Variants in TIMP2 observed in about 807,000 individuals in gnomAD.
TIMP2 encodes the protein metalloproteinase inhibitor 2.
In TIMP2, 5 loss-of-function variants were observed where a neutral mutation model predicts 24.3. The ratio of observed to expected loss-of-function variants is 0.21; its 90% CI spans 0.11 to 0.43. The LOEUF (loss-of-function observed/expected upper bound fraction) is 0.43. Ranked by LOEUF, TIMP2 falls within the 20% of genes least tolerant of loss-of-function variation. The pLI is 1.00. For missense variants in TIMP2, 221 were observed against 297.5 expected, an observed-to-expected ratio of 0.74 and a Z score of 1.89; for synonymous variants, 130 against 123.2, an observed-to-expected ratio of 1.06 and a Z score of -0.37.
intron 1 of TIMP2, among the ~76,000 whole-genome samples, chr17:78,883,235 A>G (rs2069794520): frequency 6.6e-6 from 1 of 152,196 alleles, no homozygotes; most frequent in South Asian, 2.1e-4. Flanking sequence ...ATCCGTCCCC[A>G]GTTGAGGGTG....
At chr17:78,883,489 C>T (rs1024934136) in intron 1 of TIMP2, among the ~76,000 whole-genome samples, 42 of 152,056 alleles carry the variant, frequency 2.8e-4, no homozygotes, top group African/African-American at 9.4e-4. Context: ...GGGGAGGGTG[C>T]GGAGGAGGGT....
intron 1 of TIMP2, among the ~76,000 whole-genome samples, chr17:78,906,758 T>G (rs1034418033): frequency 2.0e-5 from 3 of 151,524 alleles, no homozygotes; most frequent in Non-Finnish European, 4.4e-5. Flanking sequence ...AATTTTTGTA[T>G]TTTTGGTAGA....
rs148815451 is a variant in TIMP2, at chr17:78,920,813, G to A, written c.130+4146C>T. ...TGAGGAGGGGAGGCCTGCTCACCAC[G>A]CCGGGCAGCAGGAACCCCCTTCCAC... On this transcript the variant is annotated intron_variant, in intron 1 of 4. Coordinates refer to ENST00000262768, the MANE Select transcript of TIMP2 (RefSeq NM_003255.5). This position sits in a 1 kb window ranked among gnomAD's most constrained non-coding sequence, Gnocchi z 4.5. 1.1e-4 allele frequency among the ~76,000 whole-genome samples: 17 copies of A among 152,190 alleles called. No individual in the cohort carries two copies. The highest frequency in any genetic ancestry group is 6.8e-3 in the Middle Eastern group (2 of 294).
intron 3 of TIMP2, among the ~76,000 whole-genome samples, chr17:78,863,963 G>A (rs768079961): frequency 2.6e-5 from 4 of 152,152 alleles, no homozygotes; most frequent in Non-Finnish European, 5.9e-5. Flanking sequence ...CTTGGCCAAG[G>A]ACATTAACGA....
At chr17:78,916,984 T>C (rs574826406) in intron 1 of TIMP2, among the ~76,000 whole-genome samples, 35 of 152,342 alleles carry the variant, frequency 2.3e-4, no homozygotes, top group South Asian at 2.3e-3. Flanking sequence ...AGGTGCAGCC[T>C]GCAAGATGAT....
chr17:78,875,129 C>T (rs1339312266), intron 1 of TIMP2, among the ~76,000 whole-genome samples: 3 of 152,144 alleles, frequency 2.0e-5, no homozygotes, highest in African/African-American at 4.8e-5. Context: ...CCACCTGCTT[C>T]GGCCTCCCAA....
intron 3 of TIMP2, among the ~76,000 whole-genome samples, chr17:78,865,669 G>A (rs2069606291): frequency 6.7e-6 from 1 of 149,748 alleles, no homozygotes; most frequent in Admixed American, 6.7e-5. Context: ...TTGGGCACCT[G>A]TAATCCCAGC....
Position 78,922,864 on chromosome 17 carries a change from C to T in TIMP2, c.130+2095G>A, listed in dbSNP as rs536953299. Among the ~76,000 whole-genome samples, 8 of 152,126 alleles carry T rather than the reference C, an allele frequency of 5.3e-5. No individual in the cohort carries two copies. The South Asian group carries it at 8.3e-4, about 16-fold the overall frequency. On this transcript the variant is annotated intron_variant, in intron 1 of 4. Transcript: ENST00000262768. ...CGAGAGAAGGCCATGTGAAGACAGG[C>T]GGAAATGGAAGTGATGTGTTCCTTG...
chr17:78,923,996 G>A (rs2070329596), intron 1 of TIMP2, among the ~76,000 whole-genome samples: 1 of 152,190 alleles, frequency 6.6e-6, no homozygotes, highest in African/African-American at 2.4e-5. Flanking sequence ...ACCACCTGCC[G>A]TGTAGCCAGA....
At chr17:78,858,983 ATTCTC>A (rs2069547216) in intron 3 of TIMP2, among the ~76,000 whole-genome samples, 1 of 152,062 alleles carries the variant, frequency 6.6e-6, no homozygotes, top group Non-Finnish European at 1.5e-5. Flanking sequence ...CCCGGCCAAT[ATTCTC>A]TTCTATGTGC....
chr17:78,918,001 G>A (rs1263332203), intron 1 of TIMP2, among the ~76,000 whole-genome samples: 2 of 151,918 alleles, frequency 1.3e-5, no homozygotes, highest in Non-Finnish European at 2.9e-5. Flanking sequence ...GAGGGCCACA[G>A]GCACCTTTGA....
At chr17:78,917,317 C>G (rs1262453587) in intron 1 of TIMP2, among the ~76,000 whole-genome samples, 1 of 151,048 alleles carries the variant, frequency 6.6e-6, no homozygotes, top group Admixed American at 6.6e-5. Flanking sequence ...GTAATCCCAG[C>G]TACTCGGGAG....
chr17:78,859,791 C>A (rs2069553751), intron 3 of TIMP2, among the ~76,000 whole-genome samples: 1 of 151,508 alleles, frequency 6.6e-6, no homozygotes, highest in African/African-American at 2.4e-5. Context: ...CAGGCATTTG[C>A]GACTAGTCTG....
chr17:78,866,602 G>A (rs2069619750), intron 3 of TIMP2, among the ~76,000 whole-genome samples: 2 of 148,984 alleles, frequency 1.3e-5, no homozygotes, highest in Non-Finnish European at 2.9e-5. Flanking sequence ...AATGTTCATT[G>A]CAGTATTTGT....
intron 3 of TIMP2, among the ~76,000 whole-genome samples, chr17:78,864,960 A>G (rs1359606635): frequency 6.6e-6 from 1 of 152,126 alleles, no homozygotes; most frequent in Non-Finnish European, 1.5e-5. Context: ...AGGCTGAGGC[A>G]GGAAAATTGC....
chr17:78,921,262 AG>A (rs1721581387), intron 1 of TIMP2, among the ~76,000 whole-genome samples: 1 of 151,896 alleles, frequency 6.6e-6, no homozygotes, highest in Non-Finnish European at 1.5e-5. Flanking sequence ...AGAAAATAGC[AG>A]TTGTTCCCCC....
chr17:78,864,915 G>A (rs1406993085), intron 3 of TIMP2, among the ~76,000 whole-genome samples: 3 of 152,126 alleles, frequency 2.0e-5, no homozygotes, highest in African/African-American at 2.4e-5. Context: ...TTAGCTGGGC[G>A]TGGTGGTGCA....
rs1000225238 is a variant in TIMP2 at position 78,896,407 on chromosome 17, G to A, written c.131-22488C>T. On this transcript the variant is annotated intron_variant, in intron 1 of 4. Transcript: ENST00000262768. The surrounding 1 kb of genome is among the most constrained non-coding windows in gnomAD (Gnocchi z 4.4). ...CTCCAGCCCTGCCAGACAGGACGTC[G>A]GGTGCCCTTGGCAGGACACTTGCCA... Among the ~76,000 whole-genome samples the A allele has an allele frequency of 2.0e-5, 3 of 152,136 alleles. No homozygotes were observed. The highest frequency in any genetic ancestry group is 1.9e-4 in the East Asian group (1 of 5,188).
chr17:78,874,098 G>T, intron 1 of TIMP2, 179 bp from the exon 2 acceptor site: 1 of 544,496 alleles, frequency 1.8e-6, no homozygotes, highest in Non-Finnish European at 3.3e-6. Context: ...CCTCCTCCAG[G>T]CTGAGAGATG....
Sources: gnomAD v4.1 joint callset for allele counts (sites outside exome capture counted in the v4.1 genomes callset) on GRCh38, gnomAD v4.1.1 for gene constraint, Gnocchi (gnomAD v3.1) non-coding constraint, MANE v1.5 for transcripts, NCBI Gene and HGNC (gene_info 2026-07-23, HGNC 2026-07-21) for gene names.